MBTPS1: variants seen among roughly 807,000 people sequenced by gnomAD.
MBTPS1 encodes membrane-bound transcription factor site-1 protease.
Under a neutral mutation model 127.8 loss-of-function variants are expected in MBTPS1, and 94 were observed. That is an observed-to-expected ratio of 0.74 (90% CI 0.62 to 0.87). The LOEUF is 0.87. MBTPS1 is among the 40% of genes least tolerant of loss of function. MBTPS1 has a pLI of 0.00. For missense variants in MBTPS1, 1,636 were observed against 1,353.2 expected, an observed-to-expected ratio of 1.21 and a Z score of -3.28; for synonymous variants, 632 against 509.4, an observed-to-expected ratio of 1.24 and a Z score of -3.24.
intron 2 of MBTPS1, among the ~76,000 whole-genome samples, chr16:84,100,999 C>CAAAAAAAAAA (rs562200642): frequency 5.8e-5 from 4 of 68,544 alleles, no homozygotes; most frequent in African/African-American, 1.1e-4. Flanking sequence ...ACTAAAAATA[C>CAAAAAAAAAA]AAAAAAAAAA....
Position 84,081,779 on chromosome 16 carries a change from A to G in MBTPS1, c.1416T>C (p.Tyr472=). 1 of 1,463,476 alleles carries G rather than the reference A, an allele frequency of 6.8e-7. No homozygotes were observed. Among genetic ancestry groups the G allele is most frequent in the East Asian group, 2.6e-5 (1 of 38,166 alleles). The allele number at this position is 1,463,476 out of a possible 1,614,324, so 90.7% of individuals were successfully genotyped here. ...GHGKLDLLRA[Y]QILNSYKPQA... is the part of the protein sequence containing the mutation. The stretch of plus-strand genomic sequence containing the variant: ...GTGGCTTGTAGCTGTTGAGGATCTG[A>G]TAGGCTCTGAGCAGATCGAGCTTGC... The change falls in exon 11 of 23, where the codon TAT becomes TAC. Residue 472 remains tyrosine (Y), a synonymous_variant. Transcript: ENST00000343411.
intron 2 of MBTPS1, among the ~76,000 whole-genome samples, chr16:84,100,501 G>A (rs1176221972): frequency 6.6e-6 from 1 of 152,040 alleles, no homozygotes; most frequent in East Asian, 1.9e-4. Flanking sequence ...CTGAGATGGT[G>A]CCATTGCACT....
At chr16:84,089,845 G>C (rs1455111270) in intron 8 of MBTPS1, among the ~76,000 whole-genome samples, 1 of 152,228 alleles carries the variant, frequency 6.6e-6, no homozygotes, top group Admixed American at 6.5e-5. Flanking sequence ...CCAGCCTTGA[G>C]TGGGGACATC....
At chr16:84,081,068 G>A (rs542093780) in intron 11 of MBTPS1, among the ~76,000 whole-genome samples, 4 of 152,320 alleles carry the variant, frequency 2.6e-5, no homozygotes, top group East Asian at 1.9e-4. Flanking sequence ...GACAATGGGC[G>A]GAATCTGCGT....
chr16:84,114,110 G>A (rs1054912802), intron 1 of MBTPS1, among the ~76,000 whole-genome samples: 1 of 148,386 alleles, frequency 6.7e-6, no homozygotes, highest in Non-Finnish European at 1.5e-5. Context: ...GACTACAGGC[G>A]CATGCCACCA....
intron 18 of MBTPS1, 148 bp downstream of exon 18, chr16:84,065,542 C>CT (rs2085668901): frequency 3.1e-6 from 2 of 638,636 alleles, no homozygotes; most frequent in Non-Finnish European, 5.5e-6. Flanking sequence ...GAATTGTACA[C>CT]TTTAAAAGGG....
At chr16:84,065,267 G>A (rs2085664771) in intron 18 of MBTPS1, among the ~76,000 whole-genome samples, 1 of 152,038 alleles carries the variant, frequency 6.6e-6, no homozygotes, top group Non-Finnish European at 1.5e-5. Context: ...ACAGGCGCGT[G>A]CCATCATGCC....
intron 17 of MBTPS1, 80 bp downstream of exon 17, chr16:84,066,409 T>C: frequency 6.9e-7 from 1 of 1,442,260 alleles, no homozygotes; most frequent in Non-Finnish European, 9.4e-7. Flanking sequence ...CCATTCTCTT[T>C]CTCAAGAAAT....
chr16:84,074,293 G>C (rs2085818587), intron 12 of MBTPS1, among the ~76,000 whole-genome samples: 1 of 151,364 alleles, frequency 6.6e-6, no homozygotes, highest in Non-Finnish European at 1.5e-5. Context: ...GGAGTGCAAT[G>C]GCATGATCTT....
Position 84,087,471 on chromosome 16 carries a change from ACC to A in MBTPS1, c.1032-13_1032-12del. ...GGGTTATTCAGAGTGCTATATTGAG[ACC>A]AAAAAAAAAAAAAAAGAAAAGAAAA... On this transcript the variant is annotated splice_polypyrimidine_tract_variant and intron_variant, in intron 8 of 22. Transcript: ENST00000343411. The A allele has an allele frequency of 4.6e-6, 6 of 1,305,192 alleles. No homozygotes were observed. The highest frequency in any genetic ancestry group is 2.7e-5 in the South Asian group (2 of 74,172). The allele number at this position is 1,305,192 out of a possible 1,614,324, so 80.9% of individuals were successfully genotyped here.
At position 84,101,657 on chromosome 16, in the gene MBTPS1, A is replaced by C; in HGVS notation, c.127T>G (p.Leu43Val). Residue 43 changes from leucine to valine, a missense_variant, in exon 2 of 23, where the codon TTG (leucine) becomes GTG (valine). Transcript: ENST00000343411. ...ACTGTTGATGAGAATTCCACCTTCA[A>C]AGTCAGGTGGGAACAGCCAGGGCAT... ...APCPGCSHLTLKVEFSSTVVE... is the reference protein window; with the variant it reads ...APCPGCSHLTVKVEFSSTVVE... 6.2e-7 allele frequency: 1 copy of C among 1,614,066 alleles called. No individual in the cohort carries two copies. Among genetic ancestry groups the C allele is most frequent in the Non-Finnish European group, 8.5e-7 (1 of 1,179,938 alleles).
intron 8 of MBTPS1, among the ~76,000 whole-genome samples, chr16:84,088,567 T>A (rs950134460): frequency 2.0e-5 from 3 of 152,090 alleles, no homozygotes; most frequent in African/African-American, 7.2e-5. Flanking sequence ...TAATGCTTAG[T>A]GTACTTTAAA....
chr16:84,111,579 A>T (rs1380536501), intron 1 of MBTPS1, among the ~76,000 whole-genome samples: 1 of 151,904 alleles, frequency 6.6e-6, no homozygotes, highest in Non-Finnish European at 1.5e-5. Context: ...CAAGAGGTTG[A>T]GATAATTTGA....
rs756844719 is a variant in MBTPS1 at position 84,070,025 on chromosome 16, G to A, written c.1796C>T (p.Ala599Val). ...SPAETESKNG[A>V]EQTSTVKLPI... ...GAGCTTTACTGTTGAAGTCTGTTCT[G>A]CACCATTTTTTGACTAAAAAAAAAG... The change falls in exon 14 of 23, where the codon GCA becomes GTA. Residue 599 changes from alanine to valine, a missense_variant. By Grantham distance (64) the Ala-to-Val change is moderately conservative. Transcript: ENST00000343411. 5.7e-6 allele frequency: 9 copies of A among 1,569,672 alleles called. No individual in the cohort carries two copies. The highest frequency in any genetic ancestry group is 7.7e-6 in the Non-Finnish European group (9 of 1,165,418).
chr16:84,069,787 TC>T, intron 14 of MBTPS1, 78 bp downstream of exon 14: 4 of 1,324,016 alleles, frequency 3.0e-6, no homozygotes, highest in Non-Finnish European at 4.2e-6. Context: ...GCAACATCTT[TC>T]CAAGAGTTGC....
At chr16:84,067,635 C>CACAT in intron 16 of MBTPS1, 32 bp downstream of exon 16, 4 of 1,547,966 alleles carry the variant, frequency 2.6e-6, no homozygotes, top group Admixed American at 1.7e-5. Flanking sequence ...CCCCAAAAGT[C>CACAT]TTATCCAAAT....
chr16:84,113,805 C>A (rs1180274970), intron 1 of MBTPS1, among the ~76,000 whole-genome samples: 4 of 152,042 alleles, frequency 2.6e-5, no homozygotes, highest in Non-Finnish European at 5.9e-5. Flanking sequence ...GTGTTTAGAC[C>A]ACGAAAGGTT....
intron 9 of MBTPS1, among the ~76,000 whole-genome samples, chr16:84,085,508 T>C (rs1195549800): frequency 1.3e-5 from 2 of 151,850 alleles, no homozygotes; most frequent in Admixed American, 6.6e-5. Flanking sequence ...GGAGCCGTGA[T>C]TGTGCCACTG....
At position 84,081,858 on chromosome 16, in the gene MBTPS1, A is replaced by C. The variant is rs772403445; in HGVS notation, c.1337T>G (p.Leu446Arg). ...LVNPASMKQA[L>R]IASARRLPGV... is the part of the protein sequence containing the mutation. The stretch of plus-strand genomic sequence containing the variant: ...GGGGAGCCTCCGGGCTGACGCGATC[A>C]GGGCCTGCTTCATACTGGCGGGATT... The change falls in exon 11 of 23, where the codon CTG becomes CGG. Residue 446 changes from leucine (L) to arginine (R), a missense_variant. Transcript: ENST00000343411. The C allele has an allele frequency of 6.6e-7, 1 of 1,516,782 alleles. No homozygotes were observed. The highest frequency in any genetic ancestry group is 1.4e-5 in the African/African-American group (1 of 70,572). 94.0% of individuals were successfully genotyped at this position (1,516,782 alleles called of 1,614,324 possible).
Sources: allele counts gnomAD v4.1 joint callset (sites outside exome capture counted in the v4.1 genomes callset), GRCh38; gene constraint gnomAD v4.1.1; transcripts MANE v1.5; gene names NCBI Gene and HGNC (gene_info 2026-07-23, HGNC 2026-07-21).